ARHGAP20: variants seen among roughly 807,000 people sequenced by gnomAD.
ARHGAP20 encodes Rho GTPase activating protein 20, also known as rho GTPase-activating protein 20.
In ARHGAP20, 34 loss-of-function variants were observed where a neutral mutation model predicts 73.7. That is an observed-to-expected ratio of 0.46 (90% CI 0.35 to 0.61). ARHGAP20 has a LOEUF of 0.61. Among genes scored for constraint, ARHGAP20 ranks in the 20% least tolerant of loss-of-function variants. The probability of loss-of-function intolerance (pLI) is 0.00; values close to 1 mark genes in which losing one functional copy is unlikely to be tolerated. For missense variants in ARHGAP20, 1,314 were observed against 1,420.9 expected, an observed-to-expected ratio of 0.92 and a Z score of 1.21; for synonymous variants, 523 against 518.2, an observed-to-expected ratio of 1.01 and a Z score of -0.13.
intron 2 of ARHGAP20, among the ~76,000 whole-genome samples, chr11:110,642,246 T>A (rs753326037): frequency 8.5e-5 from 13 of 152,184 alleles, no homozygotes; most frequent in Middle Eastern, 3.4e-3. Context: ...AGAGAGATAG[T>A]TTGACGTCTT....
chr11:110,710,574 A>T (rs1950629990), intron 1 of ARHGAP20, among the ~76,000 whole-genome samples: 1 of 152,200 alleles, frequency 6.6e-6, no homozygotes, highest in African/African-American at 2.4e-5. Context: ...TGATAAATTC[A>T]CGTTTTATTT....
intron 2 of ARHGAP20, among the ~76,000 whole-genome samples, chr11:110,687,871 A>G (rs1950166656): frequency 6.6e-6 from 1 of 152,232 alleles, no homozygotes. Flanking sequence ...TTCAAATTTA[A>G]GAGAAGTCAG....
In ARHGAP20 at chr11:110,626,351, A is replaced by T. The variant is rs571285466; in HGVS notation, c.354-2040T>A. Among the ~76,000 whole-genome samples, 5 of 152,254 alleles carry T rather than the reference A, an allele frequency of 3.3e-5. No homozygotes were observed. The East Asian group carries it at 9.6e-4, about 29-fold the overall frequency. On this transcript the variant is annotated intron_variant, in intron 3 of 14. Transcript: ENST00000683387. ...AGATCAATAAGGTGCTACATTATCC[A>T]CCCCGATTTCCAAAACAAGCAACTG...
In ARHGAP20 at chr11:110,591,981, A is replaced by C; in HGVS notation, c.1139T>G (p.Val380Gly). The C allele has an allele frequency of 6.2e-7, 1 of 1,613,954 alleles. No individual in the cohort carries two copies. ...ICENDNLPKPVLDMLFFLNQK... is the reference protein window; with the variant it reads ...ICENDNLPKPGLDMLFFLNQK... ...ACAGACCAAAATGAGCCTTACCAAG[A>C]CAGGTTTGGGCAGATTGTCATTCTC... The change falls in exon 10 of 15, where the codon GTC becomes GGC. Residue 380 changes from valine to glycine, a missense_variant. Val to Gly is a moderately radical substitution (Grantham distance 109). Transcript: ENST00000683387.
Position 110,660,064 on chromosome 11 carries a change from A to AAAAAAAAAAC in ARHGAP20, c.189-29273_189-29272insGTTTTTTTTT, listed in dbSNP as rs1555097582. Among the ~76,000 whole-genome samples the AAAAAAAAAAC allele has an allele frequency of 3.3e-3, 430 of 128,832 alleles. 2 individuals carry two copies. The highest frequency in any genetic ancestry group is 0.014 in the African/African-American group (398 of 27,700). 84.5% of individuals were successfully genotyped at this position (128,832 alleles called of 152,430 possible). On this transcript the variant is annotated intron_variant, in intron 2 of 14. Coordinates refer to ENST00000683387, the MANE Select transcript of ARHGAP20 (RefSeq NM_001384657.1). ...AAACTTAAAGTATAATAAAAAACAA[A>AAAAAAAAAAC]AAAAAAAAAAAAAAGAAAATACCCT...
At chr11:110,629,827 T>C (rs1948823497) in intron 3 of ARHGAP20, among the ~76,000 whole-genome samples, 1 of 152,214 alleles carries the variant, frequency 6.6e-6, no homozygotes, top group African/African-American at 2.4e-5. Flanking sequence ...AGCTTTGAGA[T>C]AACTTTAACC....
At chr11:110,602,715 G>A (rs1565432830) in intron 9 of ARHGAP20, among the ~76,000 whole-genome samples, 2 of 152,146 alleles carry the variant, frequency 1.3e-5, no homozygotes, top group East Asian at 1.9e-4. Flanking sequence ...AGGGCATTAG[G>A]AGTAATATCA....
At chr11:110,628,721 G>T (rs531791490) in intron 3 of ARHGAP20, among the ~76,000 whole-genome samples, 1 of 151,902 alleles carries the variant, frequency 6.6e-6, no homozygotes, top group African/African-American at 2.4e-5. Context: ...TTCACTTCAC[G>T]AAAACATTAA....
chr11:110,637,283 T>C (rs1948987895), intron 2 of ARHGAP20, among the ~76,000 whole-genome samples: 1 of 152,076 alleles, frequency 6.6e-6, no homozygotes, highest in Admixed American at 6.6e-5. Flanking sequence ...AGTAATCAAT[T>C]AGAGATTACG....
chr11:110,651,440 T>C (rs951043920), intron 2 of ARHGAP20, among the ~76,000 whole-genome samples: 2 of 150,132 alleles, frequency 1.3e-5, no homozygotes, highest in African/African-American at 4.9e-5. Flanking sequence ...CCAGGAGCTG[T>C]TTTTTTTTAA....
In ARHGAP20 at chr11:110,580,829, G is replaced by T; in HGVS notation, c.2117C>A (p.Pro706His). 3 of 1,614,008 alleles carry T rather than the reference G, an allele frequency of 1.9e-6. No homozygotes were observed. Among genetic ancestry groups the T allele is most frequent in the Non-Finnish European group, 2.5e-6 (3 of 1,179,934 alleles). Reference sequence around the variant, plus strand: ...CTTTGAATCCAGATAGTCGATGCTGGGCTCTGAGCAACGCCGGTGTCGCCT... The same window carrying T: ...CTTTGAATCCAGATAGTCGATGCTGTGCTCTGAGCAACGCCGGTGTCGCCT... ...SLRRHRRCSEPSIDYLDSKLS... is the reference protein window; with the variant it reads ...SLRRHRRCSEHSIDYLDSKLS... The change falls in exon 15 of 15, where the codon CCC (proline) becomes CAC (histidine). Residue 706 changes from proline (P) to histidine (H), a missense_variant. Around this residue, in one of 3 missense-constraint regions of ARHGAP20, gnomAD observed 641 missense variants for 636.9 expected, o/e 1.01. Coordinates refer to ENST00000683387, the MANE Select transcript of ARHGAP20 (RefSeq NM_001384657.1).
chr11:110,691,186 C>T (rs1950235533), intron 1 of ARHGAP20: 1 of 486,442 alleles, frequency 2.1e-6, no homozygotes, highest in African/African-American at 2.0e-5. Flanking sequence ...ATAAAAAAAT[C>T]TTTTTTTCTA....
intron 2 of ARHGAP20, among the ~76,000 whole-genome samples, chr11:110,680,872 A>G (rs937857868): frequency 6.6e-6 from 1 of 152,198 alleles, no homozygotes; most frequent in East Asian, 1.9e-4. Flanking sequence ...CTTTTGTCTA[A>G]CAAAGTAATG....
At chr11:110,694,992 T>C (rs1032316920) in intron 1 of ARHGAP20, among the ~76,000 whole-genome samples, 3 of 151,646 alleles carry the variant, frequency 2.0e-5, no homozygotes, top group South Asian at 2.1e-4. Context: ...GAACTAGACA[T>C]AGACAGCAAG....
In ARHGAP20 at chr11:110,580,731, C is replaced by T. The variant is rs1398586319; in HGVS notation, c.2215G>A (p.Asp739Asn). The T allele has an allele frequency of 2.5e-6, 4 of 1,613,974 alleles. No individual in the cohort carries two copies. Among genetic ancestry groups the T allele is most frequent in the South Asian group, 1.1e-5 (1 of 91,076 alleles). ...TGATTCTGCTTCAGATAGTCTTCAT[C>T]TTTTTGAGAAAGAATTGCATCACAG... ...SSCDAILSQK[D>N]EDYLKQNQPL... The change falls in exon 15 of 15, where the codon GAT (aspartate) becomes AAT (asparagine). Residue 739 changes from aspartate (D) to asparagine (N), a missense_variant. Physicochemically the swap from Asp to Asn is conservative, Grantham distance 23. Coordinates refer to ENST00000683387, the MANE Select transcript of ARHGAP20 (RefSeq NM_001384657.1).
Position 110,577,083 on chromosome 11 carries a change from G to C in ARHGAP20, c.*2287C>G. On this transcript the variant is annotated 3_prime_UTR_variant, in exon 15 of 15. Coordinates refer to ENST00000683387, the MANE Select transcript of ARHGAP20 (RefSeq NM_001384657.1). ...AGAATGGCATTTTATTTAACAGACA[G>C]CATGGACTTCATACATATCCATTAT... The C allele has an allele frequency of 2.6e-6, 4 of 1,514,856 alleles. No individual in the cohort carries two copies. In the South Asian group the frequency reaches 4.9e-5, roughly 18 times the overall value. The allele number at this position is 1,514,856 out of a possible 1,614,324, so 93.8% of individuals were successfully genotyped here.
chr11:110,688,844 T>C (rs1203132070), intron 2 of ARHGAP20, among the ~76,000 whole-genome samples: 2 of 152,160 alleles, frequency 1.3e-5, no homozygotes, highest in African/African-American at 4.8e-5. Flanking sequence ...GACTAAAGTG[T>C]ATGTCTTCTG....
intron 2 of ARHGAP20, among the ~76,000 whole-genome samples, chr11:110,659,833 T>C: frequency 6.6e-6 from 1 of 150,496 alleles, no homozygotes; most frequent in Non-Finnish European, 1.5e-5. Flanking sequence ...ATATTCTCAC[T>C]CATCGGTGGG....
intron 1 of ARHGAP20, among the ~76,000 whole-genome samples, chr11:110,707,831 A>C (rs11213559): frequency 0.024 from 3,609 of 151,658 alleles, 151 homozygotes; most frequent in African/African-American, 0.084. Flanking sequence ...TTGTTCCTTT[A>C]ATAACAGTTA....
Sources: gnomAD v4.1 joint callset for allele counts (sites outside exome capture counted in the v4.1 genomes callset) on GRCh38, gnomAD v4.1.1 for gene constraint, gnomAD v4.1.1 regional missense constraint, MANE v1.5 for transcripts, NCBI Gene and HGNC (gene_info 2026-07-23, HGNC 2026-07-21) for gene names.